CCDC169: variants seen among roughly 807,000 people sequenced by gnomAD.
The protein encoded by CCDC169 is coiled-coil domain-containing protein 169.
A neutral mutation model predicts 36.0 loss-of-function variants in CCDC169; 30 were observed. The observed-to-expected ratio is 0.83, with a 90% CI of 0.62 to 1.13. The LOEUF is 1.13. CCDC169 is among the 50% of genes most tolerant of loss of function. The pLI, the probability that CCDC169 is intolerant of heterozygous loss-of-function variation, is 0.00. For synonymous variants in CCDC169, 85 were observed against 81.5 expected (o/e 1.04, Z -0.23); for missense variants, 245 against 245.9 (o/e 1.00, Z 0.03).
At chr13:36,253,534 G>A (rs1037877535) in intron 6 of CCDC169, among the ~76,000 whole-genome samples, 2 of 151,952 alleles carry the variant, frequency 1.3e-5, no homozygotes, top group Non-Finnish European at 1.5e-5. Context: ...ACAGGGTTTC[G>A]CTATGTTGAC....
chr13:36,259,921 G>A (rs896087163), intron 4 of CCDC169, among the ~76,000 whole-genome samples: 1 of 152,240 alleles, frequency 6.6e-6, no homozygotes, highest in Non-Finnish European at 1.5e-5. Flanking sequence ...GAGGGGAGGG[G>A]TGGCTGACAG....
chr13:36,265,408 C>T (rs1333553693), intron 4 of CCDC169, among the ~76,000 whole-genome samples: 1 of 152,220 alleles, frequency 6.6e-6, no homozygotes, highest in East Asian at 1.9e-4. Context: ...TCAATGGCTG[C>T]ACAGCCTGTA....
At chr13:36,239,486 C>G (rs182410919) in intron 7 of CCDC169, among the ~76,000 whole-genome samples, 118 of 152,272 alleles carry the variant, frequency 7.7e-4, no homozygotes, top group Admixed American at 5.9e-3. Context: ...AAAACAGACA[C>G]TTGCAGTTCC....
chr13:36,265,261 T>C (rs1875125082), intron 4 of CCDC169, among the ~76,000 whole-genome samples: 1 of 152,190 alleles, frequency 6.6e-6, no homozygotes, highest in South Asian at 2.1e-4. Context: ...AAGTCATTGA[T>C]TTTCAGTTTG....
At chr13:36,228,290 G>C (rs1195977119), downstream of CCDC169, among the ~76,000 whole-genome samples, 3 of 152,006 alleles carry the variant, frequency 2.0e-5, no homozygotes, top group Admixed American at 6.5e-5. Flanking sequence ...CAACATATGA[G>C]GGTTCCAGGT....
At chr13:36,292,327 T>C (rs1288851725) in intron 2 of CCDC169, among the ~76,000 whole-genome samples, 1 of 152,132 alleles carries the variant, frequency 6.6e-6, no homozygotes. Context: ...GAGGTAATGA[T>C]ATTATTTTCA....
intron 4 of CCDC169, among the ~76,000 whole-genome samples, chr13:36,265,531 C>A (rs974030757): frequency 6.6e-6 from 1 of 152,222 alleles, no homozygotes; most frequent in Non-Finnish European, 1.5e-5. Context: ...CCCCATAAGA[C>A]ACCCAGTTTC....
At chr13:36,278,693 A>G (rs920278309) in intron 4 of CCDC169, among the ~76,000 whole-genome samples, 4 of 152,062 alleles carry the variant, frequency 2.6e-5, no homozygotes, top group African/African-American at 7.2e-5. Flanking sequence ...AACACTTTAA[A>G]TGTCAGCATT....
chr13:36,276,317 T>C (rs1023125506), intron 4 of CCDC169, among the ~76,000 whole-genome samples: 4 of 152,220 alleles, frequency 2.6e-5, no homozygotes, highest in Non-Finnish European at 1.5e-5. Flanking sequence ...CCGTAAGTTT[T>C]GGGTTTTCAA....
chr13:36,282,360 C>T (rs1877638064), intron 4 of CCDC169: 2 of 984,684 alleles, frequency 2.0e-6, no homozygotes, highest in South Asian at 9.4e-5. Flanking sequence ...TAGTTTTGTC[C>T]TTAGCTAAGA....
At chr13:36,267,598 C>T (rs1875496075) in intron 4 of CCDC169, among the ~76,000 whole-genome samples, 10 of 152,000 alleles carry the variant, frequency 6.6e-5, no homozygotes, top group Admixed American at 6.5e-4. Context: ...GAGAACAGTG[C>T]CTCGTATCTC....
intron 4 of CCDC169, among the ~76,000 whole-genome samples, chr13:36,272,215 T>C (rs1356573431): frequency 1.8e-5 from 2 of 111,648 alleles, no homozygotes; most frequent in South Asian, 4.3e-4. Flanking sequence ...AATTCATCCA[T>C]GTGACAAAAA....
intron 2 of CCDC169, among the ~76,000 whole-genome samples, chr13:36,293,813 G>A (rs908915377): frequency 2.0e-5 from 3 of 152,108 alleles, no homozygotes; most frequent in Non-Finnish European, 4.4e-5. Flanking sequence ...CCATCCAGGT[G>A]AACCAACCCA....
intron 2 of CCDC169, among the ~76,000 whole-genome samples, chr13:36,294,387 C>T (rs1879240325): frequency 6.6e-6 from 1 of 152,158 alleles, no homozygotes. Flanking sequence ...AGCCTGCCCC[C>T]AGAGACTGAG....
At chr13:36,257,036 C>T (rs1447458167) in intron 4 of CCDC169, among the ~76,000 whole-genome samples, 5 of 152,206 alleles carry the variant, frequency 3.3e-5, no homozygotes, top group African/African-American at 1.2e-4. Flanking sequence ...CTGTGGGCCA[C>T]AGCTGACCAC....
At chr13:36,228,940 C>A (rs912374468), downstream of CCDC169, among the ~76,000 whole-genome samples, 4 of 152,172 alleles carry the variant, frequency 2.6e-5, no homozygotes, top group Non-Finnish European at 5.9e-5. Context: ...CAAAGGAAAG[C>A]AGTCATTGCT....
At chr13:36,292,317 G>T (rs920535003) in intron 2 of CCDC169, among the ~76,000 whole-genome samples, 3 of 152,036 alleles carry the variant, frequency 2.0e-5, no homozygotes, top group Non-Finnish European at 4.4e-5. Context: ...CTATAAAACG[G>T]AGGTAATGAT....
chr13:36,272,178 C>T (rs573498888), intron 4 of CCDC169, among the ~76,000 whole-genome samples: 1 of 150,088 alleles, frequency 6.7e-6, no homozygotes, highest in Non-Finnish European at 1.5e-5. Context: ...GATGGGTGCA[C>T]TAAAATCTGA....
downstream of CCDC169, chr13:36,227,360 C>T (rs1187460306): frequency 1.3e-6 from 2 of 1,547,538 alleles, no homozygotes; most frequent in Admixed American, 4.0e-5. Context: ...TTAAAGGGTC[C>T]AATTCTTCTT....
Sources: gnomAD v4.1 joint callset for allele counts (sites outside exome capture counted in the v4.1 genomes callset) on GRCh38, gnomAD v4.1.1 for gene constraint, MANE v1.5 for transcripts, NCBI Gene and HGNC (gene_info 2026-07-23, HGNC 2026-07-21) for gene names.